The following PFKL variants were observed in gnomAD, a reference collection of about 807,000 sequenced individuals.
The protein encoded by PFKL is ATP-dependent 6-phosphofructokinase, liver type.
Under a neutral mutation model 92.1 loss-of-function variants are expected in PFKL, and 74 were observed. The observed-to-expected ratio is 0.80, with a 90% CI of 0.67 to 0.97. The LOEUF (loss-of-function observed/expected upper bound fraction) is 0.97, where lower values mean the gene tolerates loss of function less well. PFKL is among the 50% of genes least tolerant of loss of function. The pLI is 0.00. For missense variants in PFKL, 1,028 were observed against 1,116.6 expected, an observed-to-expected ratio of 0.92 and a Z score of 1.13; for synonymous variants, 494 against 456.4, an observed-to-expected ratio of 1.08 and a Z score of -1.05.
intron 1 of PFKL, among the ~76,000 whole-genome samples, chr21:44,306,256 G>A (rs2040939690): frequency 6.6e-6 from 1 of 152,194 alleles, no homozygotes; most frequent in Non-Finnish European, 1.5e-5. Context: ...GCGGCGGGGT[G>A]TGGAGTTCGG....
At chr21:44,319,209 C>G in intron 10 of PFKL, 142 bp from the exon 11 acceptor site, 1 of 696,914 alleles carries the variant, frequency 1.4e-6, no homozygotes, top group Non-Finnish European at 2.5e-6. Flanking sequence ...GACCGCTGTT[C>G]CTAGGGAGAG....
chr21:44,313,219 G>A (rs937468621), intron 5 of PFKL, 76 bp downstream of exon 5: 14 of 1,515,516 alleles, frequency 9.2e-6, no homozygotes, highest in African/African-American at 1.4e-5. Context: ...TCAGGGTGAC[G>A]GCCATCTGCA....
At chr21:44,307,570 A>G (rs1205997174) in intron 2 of PFKL, among the ~76,000 whole-genome samples, 1 of 152,116 alleles carries the variant, frequency 6.6e-6, no homozygotes, top group East Asian at 1.9e-4. Context: ...CTCACTGCTC[A>G]CTGCTCGCTG....
intron 7 of PFKL, chr21:44,315,979 C>CCCCTTCCTCCCCTGCTG: frequency 2.0e-6 from 1 of 511,530 alleles, no homozygotes; most frequent in East Asian, 3.5e-5. Context: ...CCCCGAGGGC[C>CCCCTTCCTCCCCTGCTG]CCCTTCCTCC....
At chr21:44,313,195 G>A (rs758400801) in intron 5 of PFKL, 52 bp downstream of exon 5, 2 of 1,587,498 alleles carry the variant, frequency 1.3e-6, no homozygotes, top group Admixed American at 1.7e-5. Context: ...TCCCCGCACG[G>A]TGGTGAGGTG....
At chr21:44,325,927 G>A (rs772811044) in intron 19 of PFKL, 34 bp from the exon 20 acceptor site, 3 of 1,541,516 alleles carry the variant, frequency 1.9e-6, no homozygotes, top group East Asian at 4.5e-5. Context: ...GCAGCCCAGG[G>A]GAGTCCAGGG....
At chr21:44,317,901 A>C (rs1261954518) in intron 9 of PFKL, among the ~76,000 whole-genome samples, 2 of 152,248 alleles carry the variant, frequency 1.3e-5, no homozygotes, top group Non-Finnish European at 2.9e-5. Flanking sequence ...CCGGGGGTCC[A>C]GCTGCTGGGC....
Position 44,300,170 on chromosome 21 carries a change from C to T in PFKL, c.65C>T (p.Thr22Ile). The change falls in exon 1 of 22, where the codon ACC becomes ATC. Residue 22 changes from threonine (T) to isoleucine (I), a missense_variant. Transcript: ENST00000349048. ...GCGGGCAAGGCCATCGGCGTCCTGA[C>T]CAGCGGCGGCGACGCGCAAGGTGGG... is the stretch of plus-strand genomic sequence containing the variant. ...SGAGKAIGVL[T>I]SGGDAQGMNA... is the part of the protein sequence containing the mutation. 1 of 1,162,124 alleles carries T rather than the reference C, an allele frequency of 8.6e-7. No individual in the cohort carries two copies. Among genetic ancestry groups the T allele is most frequent in the Non-Finnish European group, 1.1e-6 (1 of 933,684 alleles). The allele number at this position is 1,162,124 out of a possible 1,614,324, so 72.0% of individuals were successfully genotyped here. A position where few individuals can be genotyped will look rare whatever the true frequency, so the allele number is the denominator to read the frequency against.
At position 44,304,255 on chromosome 21, in the gene PFKL, G is replaced by T. The variant is rs1334424644; in HGVS notation, c.86-2426G>T. ...TACCCTTGCTGACCCCTGATCCTGGGGCCCCTTTGCCGTTCCCAGGTCCCC... is the reference window on the plus strand; with the variant it reads ...TACCCTTGCTGACCCCTGATCCTGGTGCCCCTTTGCCGTTCCCAGGTCCCC... On this transcript the variant is annotated intron_variant, in intron 1 of 21. Transcript: ENST00000349048. The T allele has an allele frequency of 4.7e-6, 6 of 1,289,102 alleles. No homozygotes were observed. In the South Asian group the frequency reaches 6.2e-5, roughly 13 times the overall value. 79.9% of individuals were successfully genotyped at this position (1,289,102 alleles called of 1,614,324 possible). A position where few individuals can be genotyped will look rare whatever the true frequency, so the allele number is the denominator to read the frequency against.
chr21:44,319,285 A>G lies in PFKL; in HGVS notation c.1063-66A>G, dbSNP rs943778298. On this transcript the variant is annotated intron_variant, in intron 10 of 21. Transcript: ENST00000349048. ...TCTGCCCTCGTCAGGCCCACCAGAC[A>G]GGGCAGTAGCCATGGGTGTGCGGGC... is the stretch of plus-strand genomic sequence containing the variant. 4 of 1,387,618 alleles carry G rather than the reference A, an allele frequency of 2.9e-6. No individual in the cohort carries two copies. The African/African-American group carries it at 5.7e-5, about 20-fold the overall frequency. The allele number at this position is 1,387,618 out of a possible 1,614,324, so 86.0% of individuals were successfully genotyped here.
intron 1 of PFKL, among the ~76,000 whole-genome samples, chr21:44,301,966 C>T (rs1418086618): frequency 6.6e-6 from 1 of 152,130 alleles, no homozygotes; most frequent in Non-Finnish European, 1.5e-5. Context: ...CTTGGGCCAG[C>T]GGGGAGGGGC....
At chr21:44,322,083 A>T (rs1203879605) in intron 13 of PFKL, 50 bp from the exon 14 acceptor site, 4 of 1,562,770 alleles carry the variant, frequency 2.6e-6, no homozygotes, top group African/African-American at 2.7e-5. Context: ...CCTGGGGGGA[A>T]TTGGCCAGAG....
At chr21:44,325,664 G>A in intron 19 of PFKL, 1 of 513,484 alleles carries the variant, frequency 1.9e-6, no homozygotes, top group South Asian at 2.4e-5. Flanking sequence ...TGGGGCCCGA[G>A]GTGATGGGGC....
intron 6 of PFKL, 113 bp from the exon 7 acceptor site, chr21:44,313,800 G>A (rs1454667648): frequency 7.5e-7 from 1 of 1,328,590 alleles, no homozygotes; most frequent in African/African-American, 1.5e-5. Flanking sequence ...AGAGCCGGGT[G>A]GGGGCCGGGA....
chr21:44,308,149 G>T (rs1190906082), intron 2 of PFKL, among the ~76,000 whole-genome samples: 1 of 152,130 alleles, frequency 6.6e-6, no homozygotes, highest in Non-Finnish European at 1.5e-5. Flanking sequence ...GGGTGGGCGC[G>T]GGTCCTGGGG....
At position 44,324,616 on chromosome 21, in the gene PFKL, C is replaced by G; in HGVS notation, c.1776C>G (p.Ala592=). The G allele has an allele frequency of 1.9e-6, 3 of 1,609,660 alleles. No individual in the cohort carries two copies. In the South Asian group the frequency reaches 3.3e-5, roughly 18 times the overall value. Reference sequence around the variant, plus strand: ...GCATTGCTGTGGGGGCCGACGCCGCCTACGTCTTCGAGGACCCTTTCAACA... The same window carrying G: ...GCATTGCTGTGGGGGCCGACGCCGCGTACGTCTTCGAGGACCCTTTCAACA... ...VTGIAVGADA[A]YVFEDPFNIH... is the part of the protein sequence containing the mutation. Residue 592 remains alanine, a synonymous_variant, in exon 17 of 22, where the codon GCC becomes GCG. Transcript: ENST00000349048.
intron 15 of PFKL, 86 bp from the exon 16 acceptor site, chr21:44,323,679 AG>A: frequency 1.4e-6 from 2 of 1,404,188 alleles, no homozygotes; most frequent in Non-Finnish European, 1.9e-6. Flanking sequence ...AGCAGGGAGC[AG>A]GGCTGGGCGG....
At position 44,326,003 on chromosome 21, in the gene PFKL, C is replaced by T. The variant is rs890229639; in HGVS notation, c.2032C>T (p.Leu678=). ...CTTTGACCGGAACTATGGGACCAAG[C>T]TGGGGGTGAAGGCCATGCTGTGGTT... is the stretch of plus-strand genomic sequence containing the variant. ...TPFDRNYGTK[L]GVKAMLWLSE... Residue 678 remains leucine (L), a synonymous_variant, in exon 20 of 22, where the codon CTG becomes TTG. Coordinates refer to ENST00000349048, the MANE Select transcript of PFKL (RefSeq NM_002626.6). The T allele has an allele frequency of 6.2e-7, 1 of 1,613,762 alleles. No homozygotes were observed. The highest frequency in any genetic ancestry group is 1.3e-5 in the African/African-American group (1 of 74,944).
intron 17 of PFKL, 49 bp from the exon 18 acceptor site, chr21:44,324,807 A>G (rs368783461): frequency 4.4e-5 from 70 of 1,593,992 alleles, no homozygotes; most frequent in African/African-American, 6.7e-5. Context: ...TCAGCCTGGA[A>G]TTCCCTCCCC....
Sources: allele counts gnomAD v4.1 joint callset (sites outside exome capture counted in the v4.1 genomes callset), GRCh38; gene constraint gnomAD v4.1.1; transcripts MANE v1.5; gene names NCBI Gene and HGNC (gene_info 2026-07-23, HGNC 2026-07-21).